The following SGTA variants were observed in gnomAD, a reference collection of about 807,000 sequenced individuals.
SGTA encodes the protein small glutamine rich tetratricopeptide repeat co-chaperone alpha, also known as small glutamine-rich tetratricopeptide repeat-containing protein alpha.
SGTA carries 22 observed loss-of-function variants against 44.3 expected under a neutral mutation model. The observed-to-expected ratio is 0.50, with a 90% CI of 0.36 to 0.71. SGTA has a LOEUF of 0.71. Ranked by LOEUF, SGTA falls within the 30% of genes least tolerant of loss-of-function variation. The probability of loss-of-function intolerance (pLI) is 0.00; values close to 1 mark genes in which losing one functional copy is unlikely to be tolerated. For missense variants in SGTA, 341 were observed against 435.9 expected (o/e 0.78, Z 1.94); for synonymous variants, 174 against 177.6 (o/e 0.98, Z 0.16).
chr19:2,772,695 C>T (rs1915340187), intron 1 of SGTA, among the ~76,000 whole-genome samples: 2 of 152,200 alleles, frequency 1.3e-5, no homozygotes, highest in African/African-American at 2.4e-5. Flanking sequence ...AACCAATGTC[C>T]TTATAAAAAG....
At position 2,763,242 on chromosome 19, in the gene SGTA, G is replaced by A. The variant is rs1599499357; in HGVS notation, c.497+411C>T. ...GAATGCACGCTTATGCTGGGAGGGC[G>A]GCACCGGCTGCACGGGGCGCAGGCT... On this transcript the variant is annotated intron_variant, in intron 6 of 11. Coordinates refer to ENST00000221566, the MANE Select transcript of SGTA (RefSeq NM_003021.4). This position sits in a 1 kb window ranked among gnomAD's most constrained non-coding sequence, Gnocchi z 5.8. Among the ~76,000 whole-genome samples the A allele has an allele frequency of 6.6e-6, 1 of 152,210 alleles. No homozygotes were observed.
chr19:2,773,818 A>T (rs71339139), intron 1 of SGTA, among the ~76,000 whole-genome samples: 25 of 49,284 alleles, frequency 5.1e-4, no homozygotes, highest in Non-Finnish European at 6.5e-4. Flanking sequence ...CGGCAGGGAC[A>T]CCGAGGGCAG....
rs1462393774 is a variant in SGTA at position 2,776,518 on chromosome 19, G to A, written c.-24+6715C>T. On this transcript the variant is annotated intron_variant, in intron 1 of 11. Coordinates refer to ENST00000221566, the MANE Select transcript of SGTA (RefSeq NM_003021.4). ...CGTTGGATTCACAGAGACCAAAAGT[G>A]GAATTGGGGGTGCCAGGGGCTGGGG... Among the ~76,000 whole-genome samples the A allele has an allele frequency of 2.6e-5, 4 of 152,190 alleles. No individual in the cohort carries two copies. In the South Asian group the frequency reaches 8.3e-4, roughly 32 times the overall value.
At chr19:2,758,235 G>A (rs554989594) in intron 9 of SGTA, among the ~76,000 whole-genome samples, 15 of 152,306 alleles carry the variant, frequency 9.8e-5, no homozygotes, top group Non-Finnish European at 1.9e-4. Flanking sequence ...CATGCTTTAA[G>A]ATTTGACCGT....
At chr19:2,757,498 G>A (rs1914856937) in intron 10 of SGTA, 41 bp from the exon 11 acceptor site, 5 of 1,594,160 alleles carry the variant, frequency 3.1e-6, no homozygotes, top group African/African-American at 1.3e-5. Context: ...GGGCCAGGAG[G>A]CTGCCTGCTG....
At position 2,761,691 on chromosome 19, in the gene SGTA, G is replaced by A. The variant is rs968667781; in HGVS notation, c.637-169C>T. 6.6e-6 allele frequency among the ~76,000 whole-genome samples: 1 copy of A among 151,986 alleles called. No homozygotes were observed. The highest frequency in any genetic ancestry group is 1.5e-5 in the Non-Finnish European group (1 of 68,010). On this transcript the variant is annotated intron_variant, in intron 7 of 11. Coordinates refer to ENST00000221566, the MANE Select transcript of SGTA (RefSeq NM_003021.4). This position sits in a 1 kb window ranked among gnomAD's most constrained non-coding sequence, Gnocchi z 5.7. ...CACGAAGCACATCGCAACCGCCCGG[G>A]GACGGCACAGTCTGTCATCCCGTGT...
At position 2,765,973 on chromosome 19, in the gene SGTA, C is replaced by G. The variant is rs1915129613; in HGVS notation, c.293-688G>C. On this transcript the variant is annotated intron_variant, in intron 4 of 11. Coordinates refer to ENST00000221566, the MANE Select transcript of SGTA (RefSeq NM_003021.4). The surrounding 1 kb of genome is among the most constrained non-coding windows in gnomAD (Gnocchi z 5.5). ...GTGGCTCATGCTTATAATCCCAGCA[C>G]TTTGGGAGGCCGACGCAGGCGGATC... 6.6e-6 allele frequency among the ~76,000 whole-genome samples: 1 copy of G among 152,210 alleles called. No individual in the cohort carries two copies. Among genetic ancestry groups the G allele is most frequent in the Admixed American group, 6.5e-5 (1 of 15,284 alleles).
At chr19:2,775,350 G>A (rs1232464532) in intron 1 of SGTA, among the ~76,000 whole-genome samples, 3 of 152,192 alleles carry the variant, frequency 2.0e-5, no homozygotes, top group Non-Finnish European at 2.9e-5. Flanking sequence ...CTGCCTGACC[G>A]CATAACCCAC....
intron 1 of SGTA, among the ~76,000 whole-genome samples, chr19:2,771,146 C>T (rs28613221): frequency 0.017 from 2,649 of 152,350 alleles, 77 homozygotes; most frequent in African/African-American, 0.061. Flanking sequence ...CACGATTCTG[C>T]CAGGCGTGGT....
At chr19:2,779,898 A>G (rs1915532736) in intron 1 of SGTA, among the ~76,000 whole-genome samples, 1 of 152,116 alleles carries the variant, frequency 6.6e-6, no homozygotes, top group Admixed American at 6.5e-5. Context: ...TACAGTGTAT[A>G]GTGAGACCCT....
Position 2,765,621 on chromosome 19 carries a change from AC to A in SGTA, c.293-337del, listed in dbSNP as rs1915116719. ...GTTAATACAGCTCACCGGCCCGGGG[AC>A]GGAAACTGTCCCTTTCGCTATTGCT... is the stretch of plus-strand genomic sequence containing the variant. On this transcript the variant is annotated intron_variant, in intron 4 of 11. Transcript: ENST00000221566. The surrounding 1 kb of genome is among the most constrained non-coding windows in gnomAD (Gnocchi z 5.5). Among the ~76,000 whole-genome samples, 1 of 152,062 alleles carries A rather than the reference AC, an allele frequency of 6.6e-6. No individual in the cohort carries two copies. Among genetic ancestry groups the A allele is most frequent in the Admixed American group, 6.5e-5 (1 of 15,276 alleles).
chr19:2,768,415 T>A (rs749977289), intron 2 of SGTA, among the ~76,000 whole-genome samples: 1 of 152,070 alleles, frequency 6.6e-6, no homozygotes, highest in Non-Finnish European at 1.5e-5. Context: ...GAGCGAGGCA[T>A]AGGTGGGGAA....
In SGTA at chr19:2,763,927, T is replaced by TGA. The variant is rs1915072275; in HGVS notation, c.393-172_393-171dup. Among the ~76,000 whole-genome samples the TGA allele has an allele frequency of 1.3e-5, 2 of 152,142 alleles. No homozygotes were observed. Among genetic ancestry groups the TGA allele is most frequent in the African/African-American group, 4.8e-5 (2 of 41,430 alleles). ...GGGGAAAGCTGAGAGGTGTGGCCAC[T>TGA]GAGATGCTCTTAGACAAATGTGGGC... is the stretch of plus-strand genomic sequence containing the variant. On this transcript the variant is annotated intron_variant, in intron 5 of 11. Transcript: ENST00000221566. The surrounding 1 kb of genome is among the most constrained non-coding windows in gnomAD (Gnocchi z 5.8).
At chr19:2,768,545 C>A (rs1480363051) in intron 2 of SGTA, among the ~76,000 whole-genome samples, 2 of 152,356 alleles carry the variant, frequency 1.3e-5, no homozygotes, top group East Asian at 3.9e-4. Context: ...GAGACCAAGG[C>A]ACCTGGGGAG....
intron 8 of SGTA, 165 bp from the exon 9 acceptor site, chr19:2,759,459 C>A (rs1306561016): frequency 4.8e-6 from 3 of 623,252 alleles, no homozygotes; most frequent in African/African-American, 3.7e-5. Context: ...TACATTTTCG[C>A]CCCCCCACCC....
chr19:2,762,200 A>G (rs1417271580), intron 7 of SGTA, among the ~76,000 whole-genome samples: 1 of 151,838 alleles, frequency 6.6e-6, no homozygotes, highest in African/African-American at 2.4e-5. Flanking sequence ...AATGGCTCCA[A>G]CCAGCCAACC....
chr19:2,758,076 T>C (rs187359078), intron 9 of SGTA, among the ~76,000 whole-genome samples: 1 of 152,164 alleles, frequency 6.6e-6, no homozygotes, highest in Non-Finnish European at 1.5e-5. Context: ...ACAGCCATGA[T>C]TGGGTTACGC....
intron 1 of SGTA, among the ~76,000 whole-genome samples, chr19:2,779,659 C>A (rs891656648): frequency 6.6e-6 from 1 of 152,254 alleles, no homozygotes; most frequent in Admixed American, 6.5e-5. Flanking sequence ...TGGGAGGGTG[C>A]TGGCCCATGG....
chr19:2,756,638 G>A (rs8102002), intron 11 of SGTA, among the ~76,000 whole-genome samples: 3,884 of 151,948 alleles, frequency 0.026, 155 homozygotes, highest in African/African-American at 0.087. Flanking sequence ...GGAGCCTCCC[G>A]CCCCCAGGGA....
Sources: allele counts gnomAD v4.1 joint callset (sites outside exome capture counted in the v4.1 genomes callset), GRCh38; gene constraint gnomAD v4.1.1; non-coding constraint Gnocchi (gnomAD v3.1); transcripts MANE v1.5; gene names NCBI Gene and HGNC (gene_info 2026-07-23, HGNC 2026-07-21).